Variants in TMEM170B observed in about 807,000 individuals in gnomAD.
TMEM170B encodes transmembrane protein 170B.
TMEM170B carries 6 observed loss-of-function variants against 13.0 expected under a neutral mutation model. The ratio of observed to expected loss-of-function variants is 0.46; its 90% CI spans 0.25 to 0.91. The LOEUF (loss-of-function observed/expected upper bound fraction) is 0.91. Among genes scored for constraint, TMEM170B ranks in the 40% least tolerant of loss-of-function variants. The probability of loss-of-function intolerance (pLI) is 0.17; values close to 1 mark genes in which losing one functional copy is unlikely to be tolerated. For synonymous variants in TMEM170B, 61 were observed against 64.9 expected (o/e 0.94, Z 0.29); for missense variants, 138 against 165.2 (o/e 0.84, Z 0.90).
At chr6:11,573,305 A>G (rs2113783201) in intron 2 of TMEM170B, among the ~76,000 whole-genome samples, 1 of 152,096 alleles carries the variant, frequency 6.6e-6, no homozygotes, top group Non-Finnish European at 1.5e-5. Context: ...TGAAGCAGGG[A>G]CCTAAATTTA....
At chr6:11,568,038 AAAC>A (rs1327168175) in intron 2 of TMEM170B, among the ~76,000 whole-genome samples, 1 of 152,202 alleles carries the variant, frequency 6.6e-6, no homozygotes, top group Non-Finnish European at 1.5e-5. Flanking sequence ...CCCAAAAATA[AAAC>A]AGTACCTAGA....
rs75802468 is a variant in TMEM170B at position 11,539,661 on chromosome 6, C to T, written c.97+1287C>T. Among the ~76,000 whole-genome samples, 69 of 152,216 alleles carry T rather than the reference C, an allele frequency of 4.5e-4. No homozygotes were observed. The East Asian group carries it at 0.012, about 27-fold the overall frequency. ...CAGACTGACTTTACATGATGATTGC[C>T]GGTAAGGAATATATTGTTATAATTC... On this transcript the variant is annotated intron_variant, in intron 1 of 2. Coordinates refer to ENST00000379426, the MANE Select transcript of TMEM170B (RefSeq NM_001100829.3).
In TMEM170B at chr6:11,581,273, C is replaced by A. The variant is rs1464183389; in HGVS notation, c.*5712C>A. ...TTAGCAATTTCCTAAAAATCTTCCT[C>A]CTCTTTCCATACAGATGTCGTATGT... is the stretch of plus-strand genomic sequence containing the variant. On this transcript the variant is annotated 3_prime_UTR_variant, in exon 3 of 3. Coordinates refer to ENST00000379426, the MANE Select transcript of TMEM170B (RefSeq NM_001100829.3). The A allele has an allele frequency of 6.6e-6, 1 of 152,182 alleles. No individual in the cohort carries two copies. The highest frequency in any genetic ancestry group is 2.4e-5 in the African/African-American group (1 of 41,440). The allele number at this position is 152,182 out of a possible 1,614,324, so 9.4% of individuals were successfully genotyped here. A position where few individuals can be genotyped will look rare whatever the true frequency, so the allele number is the denominator to read the frequency against.
rs111855863 is a variant in TMEM170B, at chr6:11,583,216, A to G, written c.*7655A>G. On this transcript the variant is annotated 3_prime_UTR_variant, in exon 3 of 3. Coordinates refer to ENST00000379426, the MANE Select transcript of TMEM170B (RefSeq NM_001100829.3). ...ATGCAAGTTATTTTTAATTATAGAAAGTAGGTCTACAAAGATAAGATCTAG... is the reference window on the plus strand; with the variant it reads ...ATGCAAGTTATTTTTAATTATAGAAGGTAGGTCTACAAAGATAAGATCTAG... The G allele has an allele frequency of 2.0e-5, 3 of 152,336 alleles. No individual in the cohort carries two copies. Among genetic ancestry groups the G allele is most frequent in the African/African-American group, 7.2e-5 (3 of 41,576 alleles). The allele number at this position is 152,336 out of a possible 1,614,324, so 9.4% of individuals were successfully genotyped here.
At position 11,557,303 on chromosome 6, in the gene TMEM170B, ATAAC is replaced by A. The variant is rs1219600022; in HGVS notation, c.98-8361_98-8358del. The stretch of plus-strand genomic sequence containing the variant: ...ATTTTTATATTAAAATTTAAATAGA[ATAAC>A]TGAACTGTTTTAGTAAGCATAGATT... On this transcript the variant is annotated intron_variant, in intron 1 of 2. Transcript: ENST00000379426. 2.0e-5 allele frequency among the ~76,000 whole-genome samples: 3 copies of A among 152,354 alleles called. No individual in the cohort carries two copies. In the East Asian group the frequency reaches 5.8e-4, roughly 29 times the overall value.
chr6:11,565,144 A>T (rs1297031224), intron 1 of TMEM170B, among the ~76,000 whole-genome samples: 1 of 152,226 alleles, frequency 6.6e-6, no homozygotes, highest in Non-Finnish European at 1.5e-5. Context: ...CTAGAGGCAA[A>T]TAATTTATCT....
intron 1 of TMEM170B, among the ~76,000 whole-genome samples, chr6:11,562,510 G>C (rs185050765): frequency 6.6e-6 from 1 of 151,360 alleles, no homozygotes; most frequent in Non-Finnish European, 1.5e-5. Flanking sequence ...TCCATTCTAC[G>C]TGCCAGTTCT....
rs186064918 is a variant in TMEM170B at position 11,560,737 on chromosome 6, C to T, written c.98-4929C>T. ...TTATCTCTAAAAGCCATTGTTAGGT[C>T]TTCTTCCATTTGGTTATATGTTTTC... On this transcript the variant is annotated intron_variant, in intron 1 of 2. Transcript: ENST00000379426. Among the ~76,000 whole-genome samples, 35 of 151,928 alleles carry T rather than the reference C, an allele frequency of 2.3e-4. No homozygotes were observed. In the East Asian group the frequency reaches 4.2e-3, roughly 18 times the overall value.
intron 1 of TMEM170B, among the ~76,000 whole-genome samples, chr6:11,556,554 C>T (rs72834801): frequency 0.084 from 12,824 of 152,172 alleles, 588 homozygotes; most frequent in Middle Eastern, 0.13. Flanking sequence ...TAGGCATGCT[C>T]TGTGTATGGG....
chr6:11,547,641 T>C (rs1759457545), intron 1 of TMEM170B, among the ~76,000 whole-genome samples: 1 of 152,188 alleles, frequency 6.6e-6, no homozygotes, highest in Admixed American at 6.5e-5. Context: ...TTATTGAGAA[T>C]GAAAATGCTA....
At chr6:11,574,107 C>T (rs55892883) in intron 2 of TMEM170B, among the ~76,000 whole-genome samples, 1,650 of 152,154 alleles carry the variant, frequency 0.011, 39 homozygotes, top group African/African-American at 0.036. Context: ...GGCTCTTGTA[C>T]TTGCTGTATT....
At chr6:11,540,606 A>G (rs983018854) in intron 1 of TMEM170B, among the ~76,000 whole-genome samples, 3 of 152,162 alleles carry the variant, frequency 2.0e-5, no homozygotes, top group Non-Finnish European at 2.9e-5. Flanking sequence ...CCTCAAAGTC[A>G]TCCATGAGGA....
intron 1 of TMEM170B, among the ~76,000 whole-genome samples, chr6:11,548,884 T>C (rs1582139142): frequency 7.9e-6 from 1 of 125,866 alleles, no homozygotes; most frequent in African/African-American, 3.2e-5. Flanking sequence ...TGAAAACACT[T>C]GGACACAGGG....
intron 2 of TMEM170B, among the ~76,000 whole-genome samples, chr6:11,572,469 T>C (rs151247289): frequency 6.6e-6 from 1 of 152,340 alleles, no homozygotes; most frequent in East Asian, 1.9e-4. Flanking sequence ...TTTTATTTGA[T>C]AAATAGGATT....
intron 2 of TMEM170B, among the ~76,000 whole-genome samples, chr6:11,570,471 A>C (rs1759785673): frequency 6.6e-6 from 1 of 152,226 alleles, no homozygotes; most frequent in Admixed American, 6.5e-5. Context: ...AAATCTCAAT[A>C]ATAAAGATAG....
rs1300015836 is a variant in TMEM170B, at chr6:11,582,502, C to T, written c.*6941C>T. On this transcript the variant is annotated 3_prime_UTR_variant, in exon 3 of 3. Coordinates refer to ENST00000379426, the MANE Select transcript of TMEM170B (RefSeq NM_001100829.3). ...CTTAGTCATTGACTGTGACAGATGA[C>T]AGCTACTTTCACTATATTTTCATGA... The T allele has an allele frequency of 6.8e-6, 1 of 147,072 alleles. No individual in the cohort carries two copies. Among genetic ancestry groups the T allele is most frequent in the Non-Finnish European group, 1.5e-5 (1 of 65,140 alleles). The allele number at this position is 147,072 out of a possible 1,614,324, so 9.1% of individuals were successfully genotyped here.
chr6:11,572,724 A>G (rs536381766), intron 2 of TMEM170B, among the ~76,000 whole-genome samples: 3 of 152,170 alleles, frequency 2.0e-5, no homozygotes, highest in East Asian at 3.9e-4. Flanking sequence ...AGTAAGCCCT[A>G]TTTTCAGTTT....
At chr6:11,566,692 G>A (rs868531694) in intron 2 of TMEM170B, among the ~76,000 whole-genome samples, 3 of 152,366 alleles carry the variant, frequency 2.0e-5, no homozygotes, top group Middle Eastern at 3.4e-3. Context: ...TGGAGGTCAA[G>A]TGCCCCATTT....
chr6:11,556,814 G>T (rs1265966043), intron 1 of TMEM170B, among the ~76,000 whole-genome samples: 1 of 152,124 alleles, frequency 6.6e-6, no homozygotes, highest in Admixed American at 6.5e-5. Context: ...AGGGTGACAG[G>T]ATTTGCTGCC....
Sources: allele counts gnomAD v4.1 joint callset (sites outside exome capture counted in the v4.1 genomes callset), GRCh38; gene constraint gnomAD v4.1.1; transcripts MANE v1.5; gene names NCBI Gene and HGNC (gene_info 2026-07-23, HGNC 2026-07-21).